Variants in SYNE3 observed in about 807,000 individuals in gnomAD.
SYNE3 encodes the protein nesprin-3.
SYNE3 carries 100 observed loss-of-function variants against 111.2 expected under a neutral mutation model. The ratio of observed to expected loss-of-function variants is 0.90; its 90% confidence interval spans 0.77 to 1.06. The LOEUF (loss-of-function observed/expected upper bound fraction) is 1.06. Ranked by LOEUF, SYNE3 falls within the 50% of genes least tolerant of loss-of-function variation. SYNE3 has a pLI of 0.00. For synonymous variants in SYNE3, 547 were observed against 533.9 expected (o/e 1.02, Z -0.34); for missense variants, 1,160 against 1,240.3 (o/e 0.94, Z 0.97).
intron 2 of SYNE3, among the ~76,000 whole-genome samples, chr14:95,468,362 T>C (rs879575134): frequency 3.9e-5 from 6 of 152,224 alleles, no homozygotes; most frequent in Admixed American, 1.3e-4. Flanking sequence ...GTGAGGTACA[T>C]GTTTCAGTGT....
At chr14:95,481,601 T>A (rs1889257909) in intron 1 of SYNE3, among the ~76,000 whole-genome samples, 1 of 152,310 alleles carries the variant, frequency 6.6e-6, no homozygotes, top group Middle Eastern at 3.4e-3. Context: ...CCCAGCCGAC[T>A]ACTTACCTCT....
rs1401664656 is a variant in SYNE3 at position 95,455,572 on chromosome 14, G to A, written c.942C>T (p.Ala314=). ...EMRKVLEKLR[A]LWEEEEERLR... Reference sequence around the variant, plus strand: ...GCCGCTCCTCCTCCTCCTCCCAGAGGGCGCGCAGCTTCTCCAGAACTTTCC... The same window carrying A: ...GCCGCTCCTCCTCCTCCTCCCAGAGAGCGCGCAGCTTCTCCAGAACTTTCC... Residue 314 remains alanine, a synonymous_variant, in exon 6 of 18, where the codon GCC becomes GCT. Transcript: ENST00000682763. 1 of 1,614,072 alleles carries A rather than the reference G, an allele frequency of 6.2e-7. No homozygotes were observed. The highest frequency in any genetic ancestry group is 1.1e-5 in the South Asian group (1 of 91,086).
intron 17 of SYNE3, among the ~76,000 whole-genome samples, chr14:95,426,005 A>G (rs1445149646): frequency 6.6e-6 from 1 of 152,348 alleles, no homozygotes; most frequent in South Asian, 2.1e-4. Context: ...CACTGGTCTT[A>G]GTGAAGAAGT....
intron 8 of SYNE3, among the ~76,000 whole-genome samples, chr14:95,446,534 C>T (rs970588212): frequency 6.6e-6 from 1 of 152,194 alleles, no homozygotes; most frequent in African/African-American, 2.4e-5. Context: ...ATCCTCTACT[C>T]AGTGATCCCC....
At chr14:95,486,445 T>A (rs1193488033) in intron 1 of SYNE3, among the ~76,000 whole-genome samples, 5 of 149,744 alleles carry the variant, frequency 3.3e-5, no homozygotes, top group African/African-American at 1.2e-4. Context: ...GCCTCATGCC[T>A]TCTCAGGCAG....
At chr14:95,508,082 A>G (rs1890592838) in intron 1 of SYNE3, among the ~76,000 whole-genome samples, 1 of 152,182 alleles carries the variant, frequency 6.6e-6, no homozygotes, top group Non-Finnish European at 1.5e-5. Context: ...CTGGCATGGA[A>G]AGGCCAGTGT....
chr14:95,469,041 G>C (rs559453912), intron 2 of SYNE3, among the ~76,000 whole-genome samples: 1 of 152,274 alleles, frequency 6.6e-6, no homozygotes, highest in East Asian at 1.9e-4. Flanking sequence ...CCATGAGCAC[G>C]CTGCCCAGCC....
At position 95,445,939 on chromosome 14, in the gene SYNE3, G is replaced by T; in HGVS notation, c.1602C>A (p.Asn534Lys). The change falls in exon 9 of 18, where the codon AAC (asparagine) becomes AAA (lysine). Residue 534 changes from asparagine (N) to lysine (K), a missense_variant. By Grantham distance (94) the Asn-to-Lys change is moderately conservative. Coordinates refer to ENST00000682763, the MANE Select transcript of SYNE3 (RefSeq NM_152592.6). ...GSMRDRDLLH[N>K]SLLQRKSKLQ... Reference sequence around the variant, plus strand: ...GTTTGCTTTTCCTCTGCAGGAGGCTGTTATGCAGCAGGTCTCTGTCCCTCA... The same window carrying T: ...GTTTGCTTTTCCTCTGCAGGAGGCTTTTATGCAGCAGGTCTCTGTCCCTCA... 1 of 1,614,076 alleles carries T rather than the reference G, an allele frequency of 6.2e-7. No homozygotes were observed. The highest frequency in any genetic ancestry group is 8.5e-7 in the Non-Finnish European group (1 of 1,180,032).
Position 95,413,469 on chromosome 14 carries a change from C to T in SYNE3, c.*4357G>A, listed in dbSNP as rs1264285335. 6.6e-6 allele frequency: 1 copy of T among 152,264 alleles called. No homozygotes were observed. The highest frequency in any genetic ancestry group is 1.5e-5 in the Non-Finnish European group (1 of 68,112). 9.4% of individuals were successfully genotyped at this position (152,264 alleles called of 1,614,324 possible). ...AGTCTAATGGAAGAGATAAGATCCC[C>T]TCTTTACTCCCTAACTGTGGGCAGC... On this transcript the variant is annotated 3_prime_UTR_variant, in exon 18 of 18. Transcript: ENST00000682763.
At chr14:95,435,417 A>G (rs765491928) in intron 15 of SYNE3, among the ~76,000 whole-genome samples, 5 of 152,218 alleles carry the variant, frequency 3.3e-5, no homozygotes, top group Non-Finnish European at 7.3e-5. Flanking sequence ...AAAACTATCC[A>G]GAATGCAAAA....
chr14:95,452,412 A>T, intron 6 of SYNE3, 29 bp from the exon 7 acceptor site: 2 of 1,580,676 alleles, frequency 1.3e-6, no homozygotes, highest in Non-Finnish European at 1.7e-6. Flanking sequence ...CCGCAGCGGG[A>T]GGTGAGGCTC....
chr14:95,464,750 C>A (rs1009811352), intron 4 of SYNE3, among the ~76,000 whole-genome samples: 1 of 152,338 alleles, frequency 6.6e-6, no homozygotes, highest in African/African-American at 2.4e-5. Context: ...GCAGATGCAT[C>A]CTGCTTAGGC....
At chr14:95,461,038 C>G (rs1334847961) in intron 4 of SYNE3, among the ~76,000 whole-genome samples, 1 of 152,232 alleles carries the variant, frequency 6.6e-6, no homozygotes, top group East Asian at 1.9e-4. Context: ...CCAGGCATAA[C>G]AGTCACAGGG....
At position 95,450,080 on chromosome 14, in the gene SYNE3, G is replaced by A. The variant is rs376232551; in HGVS notation, c.1300C>T (p.Arg434Cys). The A allele has an allele frequency of 2.5e-5, 39 of 1,574,410 alleles. No individual in the cohort carries two copies. Among genetic ancestry groups the A allele is most frequent in the South Asian group, 3.5e-5 (3 of 85,692 alleles). ...CACAGCTCCACCGCCGCGGCATTGCGCAGCCTCGCGCTCTTCACCTTCAGG... is the reference window on the plus strand; with the variant it reads ...CACAGCTCCACCGCCGCGGCATTGCACAGCCTCGCGCTCTTCACCTTCAGG... ...QSLKVKSARL[R>C]NAAAVELWQH... Residue 434 changes from arginine to cysteine, a missense_variant, in exon 8 of 18, where the codon CGC becomes TGC. Physicochemically the swap from Arg to Cys is radical, Grantham distance 180. Transcript: ENST00000682763.
intron 17 of SYNE3, among the ~76,000 whole-genome samples, chr14:95,418,613 T>C (rs995445648): frequency 1.3e-5 from 2 of 151,882 alleles, no homozygotes; most frequent in Admixed American, 1.3e-4. Flanking sequence ...TCTTTCTTTT[T>C]TTTCCTTTGA....
At chr14:95,516,117 C>T (rs179150) in intron 1 of SYNE3, 39,438 of 152,306 alleles carry the variant, frequency 0.26, 5,315 homozygotes, top group Admixed American at 0.36. Flanking sequence ...CGGGGTTGGA[C>T]TTCCCCTCTT....
chr14:95,476,273 A>G (rs576250954), intron 1 of SYNE3, among the ~76,000 whole-genome samples: 30 of 152,234 alleles, frequency 2.0e-4, no homozygotes, highest in Non-Finnish European at 3.7e-4. Context: ...GGCATGGGCC[A>G]AGCTGACACC....
chr14:95,493,783 G>T (rs1031279171), intron 1 of SYNE3, among the ~76,000 whole-genome samples: 1 of 152,192 alleles, frequency 6.6e-6, no homozygotes, highest in Non-Finnish European at 1.5e-5. Flanking sequence ...GAGCGCCAGG[G>T]TTCTCAACCC....
intron 7 of SYNE3, chr14:95,450,514 A>C (rs55730304): frequency 0.24 from 40,411 of 165,678 alleles, 5,077 homozygotes; most frequent in African/African-American, 0.29. Flanking sequence ...ATCCCCCCCA[A>C]AAAAATTTAA....
Sources: allele counts gnomAD v4.1 joint callset (sites outside exome capture counted in the v4.1 genomes callset), GRCh38; gene constraint gnomAD v4.1.1; transcripts MANE v1.5; gene names NCBI Gene and HGNC (gene_info 2026-07-23, HGNC 2026-07-21).